TBC1D22B: variants seen among roughly 807,000 people sequenced by gnomAD.
The protein encoded by TBC1D22B is chromosome 6 open reading frame 197.
In TBC1D22B, 32 loss-of-function variants were observed where a neutral mutation model predicts 69.1. The ratio of observed to expected loss-of-function variants is 0.46; its 90% confidence interval spans 0.35 to 0.62. The LOEUF is 0.62. TBC1D22B is among the 20% of genes least tolerant of loss of function. TBC1D22B has a pLI of 0.00. For missense variants in TBC1D22B, 462 were observed against 630.9 expected (o/e 0.73, Z 2.87); for synonymous variants, 206 against 229.8 (o/e 0.90, Z 0.94).
At chr6:37,261,365 G>A (rs548851320) in intron 1 of TBC1D22B, among the ~76,000 whole-genome samples, 1 of 150,846 alleles carries the variant, frequency 6.6e-6, no homozygotes, top group Non-Finnish European at 1.5e-5. Context: ...CTGGGAGACG[G>A]AGGTTGCAGT....
intron 8 of TBC1D22B, among the ~76,000 whole-genome samples, chr6:37,309,168 C>T (rs933060300): frequency 6.6e-6 from 1 of 152,148 alleles, no homozygotes; most frequent in Non-Finnish European, 1.5e-5. Context: ...GGAATTGAGA[C>T]ACAGAAAGTA....
At chr6:37,317,895 A>C (rs1458862270) in intron 12 of TBC1D22B, among the ~76,000 whole-genome samples, 1 of 152,170 alleles carries the variant, frequency 6.6e-6, no homozygotes, top group Non-Finnish European at 1.5e-5. Context: ...AGGAATCATG[A>C]CGGTCACTGG....
At chr6:37,326,526 C>T (rs374148059) in intron 12 of TBC1D22B, among the ~76,000 whole-genome samples, 90 of 152,208 alleles carry the variant, frequency 5.9e-4, no homozygotes, top group African/African-American at 2.0e-3. Context: ...CAGTGGCTCA[C>T]GCCTGTAATC....
chr6:37,279,225 T>C, intron 2 of TBC1D22B, 79 bp from the exon 3 acceptor site: 1 of 1,321,324 alleles, frequency 7.6e-7, no homozygotes, highest in Non-Finnish European at 1.0e-6. Flanking sequence ...TGTAATTTAT[T>C]AATATTACAA....
chr6:37,304,902 A>G (rs976867747), intron 8 of TBC1D22B, among the ~76,000 whole-genome samples: 10 of 152,242 alleles, frequency 6.6e-5, no homozygotes, highest in African/African-American at 2.2e-4. Context: ...AGCAAGAAAG[A>G]GGGACAGGGA....
At chr6:37,277,352 G>C (rs532534341) in intron 2 of TBC1D22B, among the ~76,000 whole-genome samples, 3 of 152,308 alleles carry the variant, frequency 2.0e-5, no homozygotes, top group Admixed American at 6.5e-5. Context: ...TGGTACTGCA[G>C]GTGGTAGATC....
intron 12 of TBC1D22B, among the ~76,000 whole-genome samples, chr6:37,327,240 A>G (rs1382672933): frequency 1.0e-5 from 1 of 95,352 alleles, no homozygotes; most frequent in Non-Finnish European, 2.0e-5. Context: ...GCACTTTGGG[A>G]GGCCGAGGCG....
intron 8 of TBC1D22B, among the ~76,000 whole-genome samples, chr6:37,292,646 A>C (rs1767224024): frequency 6.6e-6 from 1 of 152,184 alleles, no homozygotes; most frequent in African/African-American, 2.4e-5. Context: ...GATGGTATTA[A>C]TCCATTCATT....
chr6:37,290,841 A>T (rs928457724), intron 7 of TBC1D22B, among the ~76,000 whole-genome samples: 5 of 151,532 alleles, frequency 3.3e-5, no homozygotes, highest in Admixed American at 6.6e-5. Flanking sequence ...AAAAAAAAAA[A>T]TTTAGAAAAA....
intron 4 of TBC1D22B, 38 bp from the exon 5 acceptor site, chr6:37,282,844 T>G: frequency 6.2e-7 from 1 of 1,607,078 alleles, no homozygotes; most frequent in Non-Finnish European, 8.5e-7. Flanking sequence ...AGAGCATTTG[T>G]GGAGAGTTAA....
intron 8 of TBC1D22B, among the ~76,000 whole-genome samples, chr6:37,308,944 T>TA (rs11311872): frequency 5.0e-4 from 71 of 141,182 alleles, no homozygotes; most frequent in African/African-American, 1.2e-3. Context: ...TCCTGTCTCT[T>TA]AAAAAAAAAA....
At chr6:37,286,752 T>C (rs1296543871) in intron 6 of TBC1D22B, among the ~76,000 whole-genome samples, 1 of 151,726 alleles carries the variant, frequency 6.6e-6, no homozygotes, top group East Asian at 2.0e-4. Flanking sequence ...GAGATCAGCC[T>C]GGTCAACATG....
chr6:37,272,948 A>G (rs1289607011), intron 2 of TBC1D22B, among the ~76,000 whole-genome samples: 12 of 152,198 alleles, frequency 7.9e-5, no homozygotes, highest in Admixed American at 7.2e-4. Flanking sequence ...ACCTTTCATG[A>G]TAATTCTTTA....
chr6:37,258,666 G>GT (rs1765939118), intron 1 of TBC1D22B, among the ~76,000 whole-genome samples: 1 of 152,180 alleles, frequency 6.6e-6, no homozygotes, highest in African/African-American at 2.4e-5. Context: ...TTCTTCAGTT[G>GT]TTTAACTGGA....
intron 1 of TBC1D22B, among the ~76,000 whole-genome samples, chr6:37,269,244 G>A (rs1766404810): frequency 6.6e-6 from 1 of 152,086 alleles, no homozygotes; most frequent in African/African-American, 2.4e-5. Flanking sequence ...AGGTTCAAAG[G>A]AGTCAAAAAG....
intron 1 of TBC1D22B, among the ~76,000 whole-genome samples, chr6:37,265,015 C>T (rs1233267191): frequency 6.6e-6 from 1 of 152,198 alleles, no homozygotes; most frequent in East Asian, 1.9e-4. Context: ...CTGTGATCAT[C>T]TCGGTTTCTC....
chr6:37,314,899 C>T (rs1307862448), intron 10 of TBC1D22B, among the ~76,000 whole-genome samples: 1 of 151,820 alleles, frequency 6.6e-6, no homozygotes, highest in Non-Finnish European at 1.5e-5. Context: ...TCTTCTGAAC[C>T]CATTTGTTTA....
rs183825387 is a variant in TBC1D22B, at chr6:37,307,153, C to T, written c.983-5765C>T. 2.9e-3 allele frequency among the ~76,000 whole-genome samples: 445 copies of T among 152,194 alleles called. 4 individuals carry two copies. Among genetic ancestry groups the T allele is most frequent in the Admixed American group, 4.9e-3 (75 of 15,288 alleles). ...GCCAGATGCATAACACCCAACAATACGTTTATATATAGCGCTTGAACCAGT... is the reference window on the plus strand; with the variant it reads ...GCCAGATGCATAACACCCAACAATATGTTTATATATAGCGCTTGAACCAGT... On this transcript the variant is annotated intron_variant, in intron 8 of 12. Coordinates refer to ENST00000373491, the MANE Select transcript of TBC1D22B (RefSeq NM_017772.4).
intron 2 of TBC1D22B, among the ~76,000 whole-genome samples, chr6:37,275,818 A>G (rs955687721): frequency 4.6e-5 from 7 of 152,340 alleles, no homozygotes; most frequent in East Asian, 1.9e-4. Context: ...TGGAGAGAGC[A>G]TAACTAGTAA....
Sources: allele counts gnomAD v4.1 joint callset (sites outside exome capture counted in the v4.1 genomes callset), GRCh38; gene constraint gnomAD v4.1.1; transcripts MANE v1.5; gene names NCBI Gene and HGNC (gene_info 2026-07-23, HGNC 2026-07-21).